Variants in TRPM3 observed in about 807,000 individuals in gnomAD.
TRPM3 encodes the protein long transient receptor potential channel 3.
A neutral mutation model predicts 181.2 loss-of-function variants in TRPM3; 77 were observed. That is an observed-to-expected ratio of 0.42 (90% confidence interval 0.35 to 0.51). The LOEUF (loss-of-function observed/expected upper bound fraction) is 0.51, where lower values mean the gene tolerates loss of function less well. Among genes scored for constraint, TRPM3 ranks in the 20% least tolerant of loss-of-function variants. The pLI is 0.01. For synonymous variants in TRPM3, 745 were observed against 796.4 expected, an observed-to-expected ratio of 0.94 and a Z score of 1.09; for missense variants, 1,759 against 2,196.7, an observed-to-expected ratio of 0.80 and a Z score of 3.98.
intron 1 of TRPM3, among the ~76,000 whole-genome samples, chr9:70,962,280 C>G (rs1377146038): frequency 6.6e-6 from 1 of 152,044 alleles, no homozygotes; most frequent in African/African-American, 2.4e-5. Flanking sequence ...CCAAGAAGCT[C>G]TCCAGTGATG....
chr9:71,297,403 G>A (rs1252312881), intron 1 of TRPM3, among the ~76,000 whole-genome samples: 1 of 152,150 alleles, frequency 6.6e-6, no homozygotes, highest in Non-Finnish European at 1.5e-5. Context: ...ACAACTGCCT[G>A]AGACTGGATA....
intron 22 of TRPM3, among the ~76,000 whole-genome samples, chr9:70,589,859 T>A (rs759512390): frequency 2.0e-5 from 3 of 152,202 alleles, no homozygotes; most frequent in Non-Finnish European, 4.4e-5. Flanking sequence ...AACGTACACA[T>A]CCTCTTCACA....
intron 22 of TRPM3, among the ~76,000 whole-genome samples, chr9:70,558,293 C>T (rs2309743): frequency 0.62 from 94,451 of 152,018 alleles, 30,047 homozygotes; most frequent in East Asian, 0.83. Flanking sequence ...TTTCTTAAGT[C>T]GATTTCAATT....
At chr9:71,123,302 A>G (rs1229149821), upstream of TRPM3, among the ~76,000 whole-genome samples, 2 of 152,238 alleles carry the variant, frequency 1.3e-5, no homozygotes, top group African/African-American at 2.4e-5. Context: ...TTGATGTATT[A>G]GTTAACAGCA....
chr9:70,681,783 C>G (rs770385009), intron 8 of TRPM3, among the ~76,000 whole-genome samples: 2 of 152,130 alleles, frequency 1.3e-5, no homozygotes, highest in African/African-American at 2.4e-5. Context: ...CAAACACAGA[C>G]CACTTATAGT....
intron 1 of TRPM3, among the ~76,000 whole-genome samples, chr9:70,959,456 G>GA (rs891422770): frequency 9.8e-5 from 14 of 142,156 alleles, no homozygotes; most frequent in South Asian, 2.2e-4. Context: ...TTAACAAAGA[G>GA]AAAAAAAAAA....
At chr9:71,182,394 T>C (rs1439016204) in intron 1 of TRPM3, among the ~76,000 whole-genome samples, 1 of 152,058 alleles carries the variant, frequency 6.6e-6, no homozygotes, top group East Asian at 1.9e-4. Flanking sequence ...TTCAAACCAA[T>C]GAAAGGAACC....
chr9:70,585,284 T>G (rs2056875064), intron 22 of TRPM3, among the ~76,000 whole-genome samples: 1 of 152,158 alleles, frequency 6.6e-6, no homozygotes, highest in African/African-American at 2.4e-5. Flanking sequence ...ACTTTTCTCT[T>G]GCATTTGACA....
At chr9:70,787,123 T>C (rs1462557077) in intron 6 of TRPM3, among the ~76,000 whole-genome samples, 1 of 152,208 alleles carries the variant, frequency 6.6e-6, no homozygotes, top group African/African-American at 2.4e-5. Flanking sequence ...TCTGTCAATA[T>C]ATTTGTCAAT....
chr9:70,795,381 CAA>C (rs1313315836), intron 6 of TRPM3, among the ~76,000 whole-genome samples: 1 of 152,060 alleles, frequency 6.6e-6, no homozygotes, highest in Non-Finnish European at 1.5e-5. Context: ...TAAGCTTATA[CAA>C]AGTTTCTCGT....
chr9:70,564,781 G>T (rs1270636311), intron 22 of TRPM3, among the ~76,000 whole-genome samples: 1 of 152,140 alleles, frequency 6.6e-6, no homozygotes, highest in African/African-American at 2.4e-5. Flanking sequence ...TTGTGCCTGA[G>T]GGGTTATATG....
intron 6 of TRPM3, among the ~76,000 whole-genome samples, chr9:70,799,162 C>T (rs529205806): frequency 1.3e-5 from 2 of 152,270 alleles, no homozygotes; most frequent in East Asian, 1.9e-4. Flanking sequence ...TTTCCTCCAG[C>T]GGAAATGAAC....
intron 20 of TRPM3, among the ~76,000 whole-genome samples, chr9:70,599,586 G>A (rs1425390115): frequency 6.6e-6 from 1 of 152,106 alleles, no homozygotes; most frequent in African/African-American, 2.4e-5. Context: ...AGCATAACAA[G>A]TTTATTCGAT....
At chr9:71,269,184 C>A (rs932561838) in intron 1 of TRPM3, among the ~76,000 whole-genome samples, 2 of 152,140 alleles carry the variant, frequency 1.3e-5, no homozygotes, top group Non-Finnish European at 2.9e-5. Context: ...GTACATTATA[C>A]ACAAGGCTCT....
chr9:70,833,525 T>C (rs2094100134), intron 5 of TRPM3, among the ~76,000 whole-genome samples: 1 of 152,124 alleles, frequency 6.6e-6, no homozygotes, highest in Non-Finnish European at 1.5e-5. Flanking sequence ...GATTAACCCA[T>C]TGACGGCATA....
intron 1 of TRPM3, among the ~76,000 whole-genome samples, chr9:71,278,273 G>C (rs1192478474): frequency 6.6e-6 from 1 of 152,182 alleles, no homozygotes; most frequent in African/African-American, 2.4e-5. Context: ...CCTTTGTAGA[G>C]GTGATAAATT....
intron 1 of TRPM3, among the ~76,000 whole-genome samples, chr9:70,956,649 C>A (rs1163238027): frequency 6.6e-6 from 1 of 152,048 alleles, no homozygotes; most frequent in African/African-American, 2.4e-5. Context: ...TCTGGGAGGC[C>A]AGGGTGGGAG....
intron 6 of TRPM3, among the ~76,000 whole-genome samples, chr9:70,805,555 A>G (rs1426690970): frequency 6.7e-6 from 1 of 148,912 alleles, no homozygotes; most frequent in Non-Finnish European, 1.5e-5. Flanking sequence ...AAAAAAAAAA[A>G]AAAAAAAGAT....
Position 70,791,085 on chromosome 9 carries a change from G to C in TRPM3, c.974-6806C>G, listed in dbSNP as rs983948717. Among the ~76,000 whole-genome samples, 40 of 152,104 alleles carry C rather than the reference G, an allele frequency of 2.6e-4. 1 individual carries two copies. The highest frequency in any genetic ancestry group is 5.1e-4 in the Non-Finnish European group (35 of 68,008). On this transcript the variant is annotated intron_variant, in intron 6 of 25. Coordinates refer to ENST00000677713, the MANE Select transcript of TRPM3 (RefSeq NM_001366145.2). The stretch of plus-strand genomic sequence containing the variant: ...TATTGCCTTCACGTTATAGAGTTAG[G>C]ATAAATTATTCAAGACAGCCTAACT...
Sources: gnomAD v4.1 joint callset for allele counts (sites outside exome capture counted in the v4.1 genomes callset) on GRCh38, gnomAD v4.1.1 for gene constraint, MANE v1.5 for transcripts, NCBI Gene and HGNC (gene_info 2026-07-23, HGNC 2026-07-21) for gene names.